SCHIP1: variants seen among roughly 807,000 people sequenced by gnomAD.
The protein encoded by SCHIP1 is schwannomin interacting protein 1.
Under a neutral mutation model 29.7 loss-of-function variants are expected in SCHIP1, and 8 were observed. The ratio of observed to expected loss-of-function variants is 0.27; its 90% confidence interval spans 0.16 to 0.49. The LOEUF (loss-of-function observed/expected upper bound fraction) is 0.49, where lower values mean the gene tolerates loss of function less well. Ranked by LOEUF, SCHIP1 falls within the 20% of genes least tolerant of loss-of-function variation. SCHIP1 has a pLI of 0.99. For synonymous variants in SCHIP1, 76 were observed against 94.9 expected, an observed-to-expected ratio of 0.80 and a Z score of 1.16; for missense variants, 193 against 294.6, an observed-to-expected ratio of 0.66 and a Z score of 2.52.
chr3:159,803,509 T>C, the SCHIP1 span, among the ~76,000 whole-genome samples: 37 of 152,278 alleles, frequency 2.4e-4, no homozygotes, highest in East Asian at 5.8e-3. Flanking sequence ...CTTTATTTTT[T>C]TGAGCAGCTC....
chr3:159,828,243 A>G, the SCHIP1 span, among the ~76,000 whole-genome samples: 511 of 151,452 alleles, frequency 3.4e-3, 2 homozygotes, highest in African/African-American at 0.012. Flanking sequence ...CACACCTAAT[A>G]AGAAGTGCAG....
chr3:159,474,266 T>C, the SCHIP1 span, among the ~76,000 whole-genome samples: 2 of 152,170 alleles, frequency 1.3e-5, no homozygotes, highest in African/African-American at 4.8e-5. Context: ...TTTTGACCAT[T>C]TCACAGAATC....
the SCHIP1 span, among the ~76,000 whole-genome samples, chr3:159,329,198 C>T: frequency 9.2e-5 from 14 of 152,254 alleles, no homozygotes; most frequent in East Asian, 2.7e-3. Context: ...TACATACACA[C>T]ACACAACCAT....
chr3:159,458,287 A>T, the SCHIP1 span, among the ~76,000 whole-genome samples: 1 of 152,118 alleles, frequency 6.6e-6, no homozygotes, highest in Admixed American at 6.6e-5. Flanking sequence ...AACCACATAC[A>T]TCCCTCTCCT....
the SCHIP1 span, among the ~76,000 whole-genome samples, chr3:159,496,995 T>C: frequency 6.6e-6 from 1 of 152,182 alleles, no homozygotes; most frequent in Non-Finnish European, 1.5e-5. Context: ...CTCAGCAAAC[T>C]GTCGCAAGGA....
rs1440589826 is a variant in SCHIP1 at position 159,893,630 on chromosome 3, C to G, written c.683+1440C>G. On this transcript the variant is annotated intron_variant, in intron 6 of 6. Transcript: ENST00000445224. The stretch of plus-strand genomic sequence containing the variant: ...TTTTGGCAAGAAGAAGAGGCCCCTC[C>G]TCTTCTCTCTAAGTGTTAGGCTAAT... 4 of 152,118 alleles carry G rather than the reference C, an allele frequency of 2.6e-5. No homozygotes were observed. In the East Asian group the frequency reaches 7.7e-4, roughly 29 times the overall value. 9.4% of individuals were successfully genotyped at this position (152,118 alleles called of 1,614,324 possible). A position where few individuals can be genotyped will look rare whatever the true frequency, so the allele number is the denominator to read the frequency against.
the SCHIP1 span, among the ~76,000 whole-genome samples, chr3:159,571,160 C>T: frequency 6.6e-6 from 1 of 152,212 alleles, no homozygotes; most frequent in Non-Finnish European, 1.5e-5. Flanking sequence ...CTGGCCAGAG[C>T]TTCCAACACT....
chr3:159,492,444 C>T, the SCHIP1 span, among the ~76,000 whole-genome samples: 12 of 152,234 alleles, frequency 7.9e-5, no homozygotes, highest in Admixed American at 3.3e-4. Flanking sequence ...ACAAGAACTA[C>T]GTGACGAATG....
chr3:159,354,503 G>A, the SCHIP1 span, among the ~76,000 whole-genome samples: 15 of 152,248 alleles, frequency 9.9e-5, 1 homozygote, highest in African/African-American at 3.6e-4. Flanking sequence ...AAAGAAGAAA[G>A]CTTCATTTCA....
the SCHIP1 span, among the ~76,000 whole-genome samples, chr3:159,676,270 T>C: frequency 6.6e-6 from 1 of 152,344 alleles, no homozygotes; most frequent in East Asian, 1.9e-4. Flanking sequence ...TTCCTTTATC[T>C]ACATCAAAGT....
chr3:159,328,789 AT>A, the SCHIP1 span, among the ~76,000 whole-genome samples: 1 of 152,300 alleles, frequency 6.6e-6, no homozygotes, highest in East Asian at 1.9e-4. Flanking sequence ...AAGAGAATGA[AT>A]TTTGTGATCA....
chr3:159,278,345 A>C, the SCHIP1 span, among the ~76,000 whole-genome samples: 1 of 152,200 alleles, frequency 6.6e-6, no homozygotes, highest in Non-Finnish European at 1.5e-5. Context: ...CAGGAGGGAG[A>C]GTAAGATGCA....
At chr3:159,321,118 C>T in the SCHIP1 span, among the ~76,000 whole-genome samples, 1 of 152,154 alleles carries the variant, frequency 6.6e-6, no homozygotes. Context: ...GCACCTGCCA[C>T]CACGCCCAGC....
At chr3:159,584,350 T>C in the SCHIP1 span, among the ~76,000 whole-genome samples, 1 of 152,298 alleles carries the variant, frequency 6.6e-6, no homozygotes, top group African/African-American at 2.4e-5. Flanking sequence ...AAGCCAATTA[T>C]GTGCCCTGTG....
At chr3:159,722,139 T>C in the SCHIP1 span, 3 of 274,464 alleles carry the variant, frequency 1.1e-5, no homozygotes, top group African/African-American at 4.5e-5. Flanking sequence ...TTAGTTTCTT[T>C]AGGAAACTAT....
At chr3:159,667,984 G>T in the SCHIP1 span, among the ~76,000 whole-genome samples, 1 of 152,192 alleles carries the variant, frequency 6.6e-6, no homozygotes, top group African/African-American at 2.4e-5. Flanking sequence ...CACTTTGGGG[G>T]ACCCTAGGTC....
chr3:159,563,839 A>AT, the SCHIP1 span, among the ~76,000 whole-genome samples: 1 of 152,162 alleles, frequency 6.6e-6, no homozygotes, highest in Non-Finnish European at 1.5e-5. Context: ...AGAAAAAAAA[A>AT]GTAGAAGGAA....
the SCHIP1 span, among the ~76,000 whole-genome samples, chr3:159,517,653 G>A: frequency 6.6e-6 from 1 of 151,608 alleles, no homozygotes; most frequent in Admixed American, 6.6e-5. Flanking sequence ...ATTTTTCATT[G>A]TTTTTAAAAT....
the SCHIP1 span, chr3:159,387,353 A>T: frequency 2.6e-6 from 1 of 385,806 alleles, no homozygotes; most frequent in Non-Finnish European, 5.1e-6. Context: ...GGGAGAAGAG[A>T]TAGATCTCTT....
Sources: gnomAD v4.1 joint callset for allele counts (sites outside exome capture counted in the v4.1 genomes callset) on GRCh38, gnomAD v4.1.1 for gene constraint, MANE v1.5 for transcripts, NCBI Gene and HGNC (gene_info 2026-07-23, HGNC 2026-07-21) for gene names.